ADCY1: variants seen among roughly 807,000 people sequenced by gnomAD.
The protein encoded by ADCY1 is adenylate cyclase 1, also known as adenylate cyclase type 1.
In ADCY1, 28 loss-of-function variants were observed where a neutral mutation model predicts 105.4. The ratio of observed to expected loss-of-function variants is 0.27; its 90% CI spans 0.20 to 0.36. ADCY1 has a LOEUF of 0.36. ADCY1 is among the 10% of genes least tolerant of loss of function. The pLI, the probability that ADCY1 is intolerant of heterozygous loss-of-function variation, is 1.00. For synonymous variants in ADCY1, 655 were observed against 623.8 expected, an observed-to-expected ratio of 1.05 and a Z score of -0.75; for missense variants, 977 against 1,434.2, an observed-to-expected ratio of 0.68 and a Z score of 5.15.
intron 14 of ADCY1, among the ~76,000 whole-genome samples, chr7:45,696,402 G>A (rs1250754476): frequency 7.7e-6 from 1 of 129,332 alleles, no homozygotes. Context: ...TCACCCCACT[G>A]CACTCCAGCC....
intron 4 of ADCY1, among the ~76,000 whole-genome samples, chr7:45,643,018 ATG>A (rs1794567009): frequency 1.3e-5 from 2 of 151,356 alleles, no homozygotes; most frequent in Admixed American, 1.3e-4. Flanking sequence ...TAAAAATTTG[ATG>A]TGTTTTGATC....
intron 14 of ADCY1, among the ~76,000 whole-genome samples, chr7:45,692,012 G>T (rs1487316724): frequency 6.6e-6 from 1 of 152,148 alleles, no homozygotes; most frequent in Non-Finnish European, 1.5e-5. Flanking sequence ...CTCTGTTACT[G>T]GCCATAGGTT....
intron 4 of ADCY1, among the ~76,000 whole-genome samples, chr7:45,631,598 A>G (rs952445040): frequency 3.9e-5 from 6 of 152,242 alleles, no homozygotes; most frequent in African/African-American, 1.4e-4. Context: ...TTGAAAACAA[A>G]CATCATCCAC....
rs1253271280 is a variant in ADCY1, at chr7:45,714,057, C to A, written c.*62C>A. The A allele has an allele frequency of 1.4e-6, 1 of 692,188 alleles. No homozygotes were observed. Among genetic ancestry groups the A allele is most frequent in the African/African-American group, 1.8e-5 (1 of 56,980 alleles). The allele number at this position is 692,188 out of a possible 1,614,324, so 42.9% of individuals were successfully genotyped here. Reference sequence around the variant, plus strand: ...GGGAATGCTCCGGGGGTGACACAGGCCACGGTGGCTCCAGCCAGGACCAGC... The same window carrying A: ...GGGAATGCTCCGGGGGTGACACAGGACACGGTGGCTCCAGCCAGGACCAGC... On this transcript the variant is annotated 3_prime_UTR_variant, in exon 20 of 20. Transcript: ENST00000297323.
At chr7:45,597,456 G>GGGAGCACATCATCAAT (rs1793108573) in intron 2 of ADCY1, among the ~76,000 whole-genome samples, 1 of 152,182 alleles carries the variant, frequency 6.6e-6, no homozygotes, top group Non-Finnish European at 1.5e-5. Flanking sequence ...CAATTTCCTG[G>GGGAGCACATCATCAAT]CTTATGATGC....
chr7:45,595,721 A>T (rs757041434), intron 2 of ADCY1, among the ~76,000 whole-genome samples: 1 of 152,132 alleles, frequency 6.6e-6, no homozygotes, highest in Non-Finnish European at 1.5e-5. Context: ...ATTTTCTTTC[A>T]TGATTTCCTC....
At chr7:45,609,338 G>T (rs936542266) in intron 2 of ADCY1, among the ~76,000 whole-genome samples, 1 of 152,204 alleles carries the variant, frequency 6.6e-6, no homozygotes, top group Non-Finnish European at 1.5e-5. Context: ...GCTGGGGATG[G>T]AGAGGAGGCG....
intron 5 of ADCY1, 55 bp from the exon 6 acceptor site, chr7:45,657,672 C>T (rs1278735614): frequency 2.2e-5 from 34 of 1,563,286 alleles, no homozygotes; most frequent in Non-Finnish European, 2.9e-5. Context: ...CCAAGGTGGC[C>T]CCCTGGGAGG....
At chr7:45,612,138 T>TAAGGA (rs1793610374) in intron 3 of ADCY1, among the ~76,000 whole-genome samples, 3 of 152,202 alleles carry the variant, frequency 2.0e-5, no homozygotes, top group African/African-American at 7.2e-5. Context: ...ACCAGTGTTG[T>TAAGGA]CCTCCTTCTG....
chr7:45,679,370 C>G (rs1293821731), intron 10 of ADCY1, among the ~76,000 whole-genome samples: 2 of 152,190 alleles, frequency 1.3e-5, no homozygotes, highest in African/African-American at 4.8e-5. Context: ...TCAGCAAAGT[C>G]TGGGAAACTC....
intron 14 of ADCY1, among the ~76,000 whole-genome samples, chr7:45,687,679 C>T (rs1481036212): frequency 1.3e-5 from 2 of 152,220 alleles, no homozygotes; most frequent in Non-Finnish European, 2.9e-5. Context: ...TATTTGATCT[C>T]ATTCAGTCTT....
At chr7:45,662,466 T>G (rs932311138) in intron 8 of ADCY1, among the ~76,000 whole-genome samples, 1 of 152,216 alleles carries the variant, frequency 6.6e-6, no homozygotes, top group Non-Finnish European at 1.5e-5. Flanking sequence ...TATCCATAAA[T>G]TCAAGCTAAA....
chr7:45,590,108 C>T lies in ADCY1; in HGVS notation c.640-2651C>T, dbSNP rs115579332. On this transcript the variant is annotated intron_variant, in intron 1 of 19. Transcript: ENST00000297323. ...TAGTGCAGAGATGAGGGGGACCGGC[C>T]GCCAATCCCCCCAGCCTCCACGGGC... Among the ~76,000 whole-genome samples, 76 of 152,208 alleles carry T rather than the reference C, an allele frequency of 5.0e-4. 1 individual carries two copies. Among genetic ancestry groups the T allele is most frequent in the African/African-American group, 1.6e-3 (68 of 41,524 alleles).
intron 4 of ADCY1, among the ~76,000 whole-genome samples, chr7:45,635,059 C>A (rs947606381): frequency 3.3e-5 from 5 of 151,278 alleles, no homozygotes; most frequent in Non-Finnish European, 5.9e-5. Context: ...ACCAGTGAAT[C>A]CATCTGGACC....
chr7:45,606,488 G>T (rs1382018447), intron 2 of ADCY1, among the ~76,000 whole-genome samples: 2 of 152,160 alleles, frequency 1.3e-5, no homozygotes, highest in Admixed American at 1.3e-4. Flanking sequence ...TTGCTGACTT[G>T]CCCACTTCTC....
chr7:45,625,660 A>G lies in ADCY1; in HGVS notation c.1020+2917A>G, dbSNP rs373825040. Among the ~76,000 whole-genome samples the G allele has an allele frequency of 7.0e-4, 107 of 152,172 alleles. 1 individual carries two copies. The highest frequency in any genetic ancestry group is 2.5e-3 in the African/African-American group (104 of 41,504). On this transcript the variant is annotated intron_variant, in intron 4 of 19. Transcript: ENST00000297323. ...GTGTAGGTGAGCATGCATGTGGTAT[A>G]TATATGAGTATGTGCATGTGTGTGT...
rs1584346326 is a variant in ADCY1, at chr7:45,708,223, G to C, written c.2818-127G>C. 7.7e-5 allele frequency: 49 copies of C among 637,538 alleles called. No homozygotes were observed. In the East Asian group the frequency reaches 1.3e-3, roughly 17 times the overall value. The allele number at this position is 637,538 out of a possible 1,614,324, so 39.5% of individuals were successfully genotyped here. On this transcript the variant is annotated intron_variant, in intron 17 of 19. Transcript: ENST00000297323. This position sits in a 1 kb window ranked among gnomAD's most constrained non-coding sequence, Gnocchi z 4.7. ...CTACCTGTAGAATGGAATGATAAAT[G>C]TGCCTATAGCCAGGCACTCAGAGTG... is the stretch of plus-strand genomic sequence containing the variant.
intron 17 of ADCY1, among the ~76,000 whole-genome samples, chr7:45,706,512 A>AAAAG (rs1554332713): frequency 2.8e-4 from 38 of 135,480 alleles, no homozygotes; most frequent in Admixed American, 3.2e-4. Flanking sequence ...AAAAAAAAAA[A>AAAAG]AGAATATAGA....
intron 4 of ADCY1, among the ~76,000 whole-genome samples, chr7:45,638,928 A>G (rs1005370360): frequency 6.6e-6 from 1 of 152,068 alleles, no homozygotes; most frequent in African/African-American, 2.4e-5. Context: ...GATGGCTGCA[A>G]GGGCCTGTTT....
Sources: allele counts gnomAD v4.1 joint callset (sites outside exome capture counted in the v4.1 genomes callset), GRCh38; gene constraint gnomAD v4.1.1; non-coding constraint Gnocchi (gnomAD v3.1); transcripts MANE v1.5; gene names NCBI Gene and HGNC (gene_info 2026-07-23, HGNC 2026-07-21).